The following SGCZ variants were observed in gnomAD, a reference collection of about 807,000 sequenced individuals.
The protein encoded by SGCZ is sarcoglycan zeta.
In SGCZ, 40 loss-of-function variants were observed where a neutral mutation model predicts 41.3. That is an observed-to-expected ratio of 0.97 (90% CI 0.75 to 1.26). The LOEUF is 1.26. SGCZ is among the 50% of genes most tolerant of loss of function. The pLI is 0.00. For missense variants in SGCZ, 552 were observed against 369.8 expected (o/e 1.49, Z -4.04); for synonymous variants, 206 against 137.5 (o/e 1.50, Z -3.49).
At chr8:14,711,263 A>T (rs775713370) in intron 1 of SGCZ, among the ~76,000 whole-genome samples, 41 of 152,040 alleles carry the variant, frequency 2.7e-4, no homozygotes, top group Non-Finnish European at 4.3e-4. Context: ...CATCTCAACT[A>T]ATTTCAACAC....
At chr8:14,775,250 G>T (rs1383606530) in intron 1 of SGCZ, among the ~76,000 whole-genome samples, 1 of 152,010 alleles carries the variant, frequency 6.6e-6, no homozygotes, top group Admixed American at 6.6e-5. Flanking sequence ...GAGTAGCAAA[G>T]GTCTAGAGTG....
chr8:14,170,940 GA>G (rs1344713166), intron 4 of SGCZ, among the ~76,000 whole-genome samples: 1 of 151,578 alleles, frequency 6.6e-6, no homozygotes, highest in African/African-American at 2.4e-5. Context: ...TACTTTTGAA[GA>G]AAAAAAGGAT....
intron 1 of SGCZ, among the ~76,000 whole-genome samples, chr8:14,679,830 T>G (rs2117536328): frequency 6.6e-6 from 1 of 152,174 alleles, no homozygotes; most frequent in South Asian, 2.1e-4. Context: ...ATGGTAAGTT[T>G]CCTATACAGA....
intron 1 of SGCZ, among the ~76,000 whole-genome samples, chr8:15,008,434 G>C (rs139481817): frequency 3.3e-5 from 5 of 150,034 alleles, no homozygotes; most frequent in Non-Finnish European, 7.4e-5. Context: ...ACAATTCAAA[G>C]ACCTTCAAAT....
At chr8:15,064,379 C>G (rs1464757405) in intron 1 of SGCZ, among the ~76,000 whole-genome samples, 1 of 152,108 alleles carries the variant, frequency 6.6e-6, no homozygotes, top group African/African-American at 2.4e-5. Flanking sequence ...CCTCTCCTAT[C>G]CCCGCACATA....
chr8:15,009,348 G>C (rs538307094), intron 1 of SGCZ, among the ~76,000 whole-genome samples: 3 of 20,660 alleles, frequency 1.5e-4, no homozygotes, highest in Admixed American at 6.3e-4. Context: ...GAACAGCAAT[G>C]GAAAAATCTG....
chr8:14,197,671 A>C (rs1297730851), intron 4 of SGCZ, among the ~76,000 whole-genome samples: 1 of 152,088 alleles, frequency 6.6e-6, no homozygotes, highest in East Asian at 1.9e-4. Context: ...CTACCTTATA[A>C]AGGGCATTTA....
intron 1 of SGCZ, among the ~76,000 whole-genome samples, chr8:14,598,622 G>A (rs71524131): frequency 0.13 from 20,211 of 151,576 alleles, 1,598 homozygotes; most frequent in South Asian, 0.21. Flanking sequence ...CGACCCCCCC[G>A]GGCTCAAGTG....
intron 1 of SGCZ, among the ~76,000 whole-genome samples, chr8:14,623,287 C>A (rs963159580): frequency 6.6e-6 from 1 of 152,182 alleles, no homozygotes; most frequent in African/African-American, 2.4e-5. Flanking sequence ...ATTCATAACA[C>A]ATTAGTTTGC....
At chr8:15,049,894 T>A (rs1804452916) in intron 1 of SGCZ, among the ~76,000 whole-genome samples, 1 of 152,162 alleles carries the variant, frequency 6.6e-6, no homozygotes, top group African/African-American at 2.4e-5. Context: ...AGAGGTGACT[T>A]TGCTCCTCCT....
At chr8:14,203,757 G>C (rs1287757169) in intron 4 of SGCZ, among the ~76,000 whole-genome samples, 1 of 152,120 alleles carries the variant, frequency 6.6e-6, no homozygotes, top group Non-Finnish European at 1.5e-5. Flanking sequence ...AATTAAAGCA[G>C]AATGCACTTA....
intron 2 of SGCZ, among the ~76,000 whole-genome samples, chr8:14,441,934 T>G (rs997365933): frequency 6.6e-6 from 1 of 152,214 alleles, no homozygotes; most frequent in African/African-American, 2.4e-5. Context: ...ACTCTTGGCT[T>G]TTCTGACGTA....
At chr8:14,890,676 A>G (rs1804978219) in intron 1 of SGCZ, among the ~76,000 whole-genome samples, 2 of 152,226 alleles carry the variant, frequency 1.3e-5, no homozygotes, top group South Asian at 4.1e-4. Flanking sequence ...GAAAGTGGCT[A>G]TTTTTATTGA....
intron 4 of SGCZ, among the ~76,000 whole-genome samples, chr8:14,230,767 G>GA (rs775455250): frequency 8.2e-6 from 1 of 121,850 alleles, no homozygotes; most frequent in Non-Finnish European, 1.7e-5. Context: ...TGGTGGTGGT[G>GA]GGGGGGTGGT....
chr8:15,090,320 C>T (rs1481741852), intron 1 of SGCZ, among the ~76,000 whole-genome samples: 7 of 152,192 alleles, frequency 4.6e-5, no homozygotes, highest in African/African-American at 1.7e-4. Flanking sequence ...AAAATTAACA[C>T]TTGAGGTTTG....
intron 1 of SGCZ, among the ~76,000 whole-genome samples, chr8:14,707,692 A>T (rs1809377342): frequency 6.6e-6 from 1 of 152,292 alleles, no homozygotes; most frequent in Admixed American, 6.5e-5. Context: ...ATTACACAGC[A>T]TTTATTTGAG....
intron 1 of SGCZ, among the ~76,000 whole-genome samples, chr8:15,185,282 T>C (rs547872225): frequency 1.3e-5 from 2 of 152,298 alleles, no homozygotes; most frequent in East Asian, 3.9e-4. Context: ...CAGCAGATTT[T>C]TACTAAAGAG....
At chr8:15,193,925 C>A (rs951947882) in intron 1 of SGCZ, among the ~76,000 whole-genome samples, 1 of 152,106 alleles carries the variant, frequency 6.6e-6, no homozygotes, top group African/African-American at 2.4e-5. Context: ...ACATCTCAAA[C>A]ATGTTCTTAT....
intron 1 of SGCZ, among the ~76,000 whole-genome samples, chr8:15,114,956 A>C (rs1300089304): frequency 6.6e-6 from 1 of 152,194 alleles, no homozygotes; most frequent in African/African-American, 2.4e-5. Flanking sequence ...ATATGGGCCT[A>C]AGTAAGGATG....
Sources: allele counts gnomAD v4.1 joint callset (sites outside exome capture counted in the v4.1 genomes callset), GRCh38; gene constraint gnomAD v4.1.1; transcripts MANE v1.5; gene names NCBI Gene and HGNC (gene_info 2026-07-23, HGNC 2026-07-21).